The following DSCAM variants were observed in gnomAD, a reference collection of about 807,000 sequenced individuals.
The protein encoded by DSCAM is DS cell adhesion molecule, also known as cell adhesion molecule DSCAM.
Under a neutral mutation model 217.7 loss-of-function variants are expected in DSCAM, and 47 were observed. The observed-to-expected ratio is 0.22, with a 90% confidence interval of 0.17 to 0.28. DSCAM has a LOEUF of 0.28. Ranked by LOEUF, DSCAM falls within the 10% of genes least tolerant of loss-of-function variation. The pLI is 1.00. For missense variants in DSCAM, 2,080 were observed against 2,618.3 expected (o/e 0.79, Z 4.49); for synonymous variants, 1,056 against 1,015.3 (o/e 1.04, Z -0.76).
intron 24 of DSCAM, among the ~76,000 whole-genome samples, chr21:40,080,721 G>A (rs529638884): frequency 2.6e-5 from 4 of 152,086 alleles, no homozygotes; most frequent in Non-Finnish European, 5.9e-5. Context: ...CAAGACACTC[G>A]AATCTCTGGG....
chr21:40,278,389 T>C (rs1011095621), intron 10 of DSCAM, among the ~76,000 whole-genome samples: 24 of 152,156 alleles, frequency 1.6e-4, no homozygotes, highest in Non-Finnish European at 1.6e-4. Flanking sequence ...CACTGAGTCA[T>C]GAAAGTAGCC....
At chr21:40,424,613 T>C (rs1433794691) in intron 3 of DSCAM, among the ~76,000 whole-genome samples, 1 of 152,208 alleles carries the variant, frequency 6.6e-6, no homozygotes, top group Non-Finnish European at 1.5e-5. Context: ...TGTGGTCATA[T>C]GTTATGGAAT....
chr21:40,020,569 A>C (rs1232250744), intron 32 of DSCAM, among the ~76,000 whole-genome samples: 1 of 151,960 alleles, frequency 6.6e-6, no homozygotes, highest in Non-Finnish European at 1.5e-5. Flanking sequence ...GGGAGGGAAA[A>C]TCTAACTGGA....
chr21:40,200,261 C>G (rs1396318682), intron 11 of DSCAM, among the ~76,000 whole-genome samples: 1 of 152,130 alleles, frequency 6.6e-6, no homozygotes, highest in East Asian at 1.9e-4. Context: ...TTTTCTTCTT[C>G]CCAACCTGAA....
At chr21:40,371,687 T>C (rs1270525140) in intron 3 of DSCAM, among the ~76,000 whole-genome samples, 2 of 152,216 alleles carry the variant, frequency 1.3e-5, no homozygotes, top group African/African-American at 4.8e-5. Context: ...AATAAGGCTT[T>C]AGGGCGTATC....
chr21:40,435,779 C>T (rs1462150250), intron 3 of DSCAM, among the ~76,000 whole-genome samples: 5 of 152,130 alleles, frequency 3.3e-5, no homozygotes, highest in African/African-American at 7.2e-5. Flanking sequence ...AGTTCCTGTC[C>T]GATGGTTTGA....
At chr21:40,612,317 C>A (rs373687609) in intron 3 of DSCAM, among the ~76,000 whole-genome samples, 1 of 152,108 alleles carries the variant, frequency 6.6e-6, no homozygotes, top group Non-Finnish European at 1.5e-5. Flanking sequence ...TCTCCAAGTT[C>A]GGGTCCTTAG....
At chr21:40,370,255 TAAAA>T (rs77285211) in intron 3 of DSCAM, among the ~76,000 whole-genome samples, 1 of 142,786 alleles carries the variant, frequency 7.0e-6, no homozygotes, top group African/African-American at 2.6e-5. Context: ...TCTTTTACTT[TAAAA>T]AAAAAAAAAA....
intron 3 of DSCAM, among the ~76,000 whole-genome samples, chr21:40,679,353 A>T (rs1000476102): frequency 2.6e-5 from 4 of 152,210 alleles, no homozygotes; most frequent in African/African-American, 9.6e-5. Context: ...ATGCACGTAC[A>T]TAATATGGGA....
chr21:40,046,587 C>T (rs1601266024), intron 30 of DSCAM, among the ~76,000 whole-genome samples: 2 of 152,144 alleles, frequency 1.3e-5, no homozygotes, highest in Non-Finnish European at 2.9e-5. Context: ...CAGGCACTAT[C>T]GACTTGATAA....
intron 32 of DSCAM, among the ~76,000 whole-genome samples, chr21:40,028,491 A>C (rs1274980976): frequency 6.6e-6 from 1 of 151,842 alleles, no homozygotes; most frequent in African/African-American, 2.4e-5. Flanking sequence ...CTCTGCTAGC[A>C]ATCAGCGAGA....
intron 3 of DSCAM, among the ~76,000 whole-genome samples, chr21:40,622,471 T>C (rs772902710): frequency 2.5e-4 from 38 of 152,176 alleles, no homozygotes; most frequent in Non-Finnish European, 4.7e-4. Flanking sequence ...ACCATTCCCA[T>C]GGAAAAACCA....
intron 1 of DSCAM, among the ~76,000 whole-genome samples, chr21:40,836,106 T>C (rs2092053617): frequency 6.6e-6 from 1 of 152,134 alleles, no homozygotes; most frequent in Admixed American, 6.5e-5. Context: ...ACAGATCCAC[T>C]CTCCTGCCCT....
intron 3 of DSCAM, among the ~76,000 whole-genome samples, chr21:40,520,651 A>T (rs954228941): frequency 2.0e-5 from 3 of 151,924 alleles, no homozygotes; most frequent in African/African-American, 4.8e-5. Flanking sequence ...TATTAAAAAT[A>T]AAAAAATTAG....
At position 40,506,235 on chromosome 21, in the gene DSCAM, G is replaced by T. The variant is rs150058244; in HGVS notation, c.509-136990C>A. Among the ~76,000 whole-genome samples the T allele has an allele frequency of 3.2e-4, 48 of 152,338 alleles. 1 individual carries two copies. In the East Asian group the frequency reaches 8.9e-3, roughly 28 times the overall value. On this transcript the variant is annotated intron_variant, in intron 3 of 32. Coordinates refer to ENST00000400454, the MANE Select transcript of DSCAM (RefSeq NM_001389.5). ...TCTGAAGCCCATGCACGAGGGGACA[G>T]TAATGACACTCATCCCACCTGATTT...
intron 2 of DSCAM, among the ~76,000 whole-genome samples, chr21:40,698,885 A>AG (rs1248982423): frequency 6.6e-6 from 1 of 151,100 alleles, no homozygotes; most frequent in Non-Finnish European, 1.5e-5. Flanking sequence ...AAAAAAAAAA[A>AG]AAAAAAAAAG....
At chr21:40,202,222 AT>A (rs1407022040) in intron 11 of DSCAM, among the ~76,000 whole-genome samples, 1 of 152,140 alleles carries the variant, frequency 6.6e-6, no homozygotes, top group African/African-American at 2.4e-5. Flanking sequence ...TCACTCTTAT[AT>A]TCAGATGCAT....
chr21:40,301,088 C>T (rs935544397), intron 9 of DSCAM, among the ~76,000 whole-genome samples: 3 of 152,156 alleles, frequency 2.0e-5, no homozygotes, highest in African/African-American at 7.2e-5. Flanking sequence ...AATTCTGTGC[C>T]TCACACTCTA....
chr21:40,779,739 AGCCGGGC>A lies in DSCAM; in HGVS notation c.43+66873_43+66879del, dbSNP rs529168423. ...CAGGACTTGAGTGACCTGGAGGGAC[AGCCGGGC>A]CTGGCAAAGGGATGGCAGTGTAAAG... On this transcript the variant is annotated intron_variant, in intron 1 of 32. Transcript: ENST00000400454. Among the ~76,000 whole-genome samples the A allele has an allele frequency of 1.3e-3, 183 of 138,276 alleles. 1 individual carries two copies. The highest frequency in any genetic ancestry group is 4.4e-3 in the African/African-American group (181 of 40,882). The allele number at this position is 138,276 out of a possible 152,430, so 90.7% of individuals were successfully genotyped here.
Sources: gnomAD v4.1 joint callset for allele counts (sites outside exome capture counted in the v4.1 genomes callset) on GRCh38, gnomAD v4.1.1 for gene constraint, MANE v1.5 for transcripts, NCBI Gene and HGNC (gene_info 2026-07-23, HGNC 2026-07-21) for gene names.